Variants in DROSHA observed in about 807,000 individuals in gnomAD.
DROSHA encodes the protein ribonuclease 3.
Under a neutral mutation model 181.9 loss-of-function variants are expected in DROSHA, and 56 were observed. That is an observed-to-expected ratio of 0.31 (90% confidence interval 0.25 to 0.38). The LOEUF (loss-of-function observed/expected upper bound fraction) is 0.38, where lower values mean the gene tolerates loss of function less well. Ranked by LOEUF, DROSHA falls within the 10% of genes least tolerant of loss-of-function variation. The pLI, the probability that DROSHA is intolerant of heterozygous loss-of-function variation, is 1.00. For missense variants in DROSHA, 1,218 were observed against 1,743.5 expected, an observed-to-expected ratio of 0.70 and a Z score of 5.37; for synonymous variants, 524 against 591.2, an observed-to-expected ratio of 0.89 and a Z score of 1.65.
intron 31 of DROSHA, among the ~76,000 whole-genome samples, 189 bp downstream of exon 31, chr5:31,410,557 T>C (rs552668701): frequency 2.6e-5 from 4 of 152,308 alleles, no homozygotes; most frequent in African/African-American, 9.6e-5. Flanking sequence ...ACATAAAAAT[T>C]CATTATTCAC....
At chr5:31,471,983 G>T in intron 17 of DROSHA, 80 bp downstream of exon 17, 1 of 1,361,980 alleles carries the variant, frequency 7.3e-7, no homozygotes, top group Non-Finnish European at 9.7e-7. Context: ...TTTAAAATGT[G>T]CTGTTACTGT....
Position 31,409,047 on chromosome 5 carries a change from A to C in DROSHA, c.3854+9T>G. The C allele has an allele frequency of 1.2e-6, 2 of 1,611,804 alleles. No individual in the cohort carries two copies. The highest frequency in any genetic ancestry group is 1.7e-6 in the Non-Finnish European group (2 of 1,179,176). On this transcript the variant is annotated intron_variant, in intron 33 of 35. Transcript: ENST00000344624. This position sits in a 1 kb window ranked among gnomAD's most constrained non-coding sequence, Gnocchi z 4.0. ...TCCAACCAATGGCCTGCAGGCAACA[A>C]GTACTTACTTGTACAGAGGAATGTC...
chr5:31,526,127 T>C lies in DROSHA; in HGVS notation c.806A>G (p.Tyr269Cys), dbSNP rs1740521714. The C allele has an allele frequency of 6.2e-7, 1 of 1,611,416 alleles. No individual in the cohort carries two copies. Among genetic ancestry groups the C allele is most frequent in the East Asian group, 2.2e-5 (1 of 44,776 alleles). ...RRQDSRYRSDYDRGRTPSRHR... is the reference protein window; with the variant it reads ...RRQDSRYRSDCDRGRTPSRHR... ...GCGAGATGGTGTTCTCCCTCGGTCA[T>C]AATCAGATCTGTACCGGCTGTCTTG... The change falls in exon 5 of 36, where the codon TAT becomes TGT. Residue 269 changes from tyrosine (Y) to cysteine (C), a missense_variant. This residue lies in a region of DROSHA where 536 missense variants were observed against 535.4 expected (regional missense o/e 1.00). Coordinates refer to ENST00000344624, the MANE Select transcript of DROSHA (RefSeq NM_001382508.1).
intron 30 of DROSHA, among the ~76,000 whole-genome samples, chr5:31,417,134 A>G (rs996217421): frequency 6.6e-6 from 1 of 152,194 alleles, no homozygotes; most frequent in Non-Finnish European, 1.5e-5. Flanking sequence ...GGAAGGCCTT[A>G]TTGATAAGAT....
intron 30 of DROSHA, among the ~76,000 whole-genome samples, chr5:31,415,377 C>T (rs1295895610): frequency 6.6e-6 from 1 of 152,146 alleles, no homozygotes; most frequent in East Asian, 1.9e-4. Flanking sequence ...CCTGTGATAA[C>T]TAAAGAAAAG....
intron 13 of DROSHA, among the ~76,000 whole-genome samples, chr5:31,491,624 TG>T (rs1296075862): frequency 1.3e-5 from 2 of 150,172 alleles, no homozygotes; most frequent in Admixed American, 1.3e-4. Flanking sequence ...CAGTAGATGG[TG>T]GGGGGTGGAG....
At chr5:31,441,238 T>C (rs1464815118) in intron 23 of DROSHA, among the ~76,000 whole-genome samples, 2 of 152,004 alleles carry the variant, frequency 1.3e-5, no homozygotes, top group African/African-American at 4.8e-5. Context: ...AGTAAGACCT[T>C]GTCTGTACAA....
intron 21 of DROSHA, among the ~76,000 whole-genome samples, chr5:31,450,636 CA>C (rs1746867939): frequency 6.6e-6 from 1 of 152,014 alleles, no homozygotes; most frequent in Admixed American, 6.5e-5. Flanking sequence ...TATGGGTACC[CA>C]GGGGCATACA....
intron 6 of DROSHA, among the ~76,000 whole-genome samples, chr5:31,520,566 T>C (rs1242522981): frequency 6.6e-6 from 1 of 152,200 alleles, no homozygotes; most frequent in African/African-American, 2.4e-5. Context: ...ACTGTCCTTA[T>C]TTTACAAACG....
At chr5:31,427,578 G>A (rs888781904) in intron 27 of DROSHA, among the ~76,000 whole-genome samples, 2 of 152,138 alleles carry the variant, frequency 1.3e-5, no homozygotes, top group South Asian at 4.1e-4. Context: ...TCGCCAAGCT[G>A]CCCTTGCCTT....
Position 31,520,026 on chromosome 5 carries a change from C to CT in DROSHA, c.947+1096dup, listed in dbSNP as rs1364518744. 2.6e-5 allele frequency among the ~76,000 whole-genome samples: 4 copies of CT among 152,086 alleles called. No homozygotes were observed. In the East Asian group the frequency reaches 7.7e-4, roughly 29 times the overall value. On this transcript the variant is annotated intron_variant, in intron 6 of 35. Coordinates refer to ENST00000344624, the MANE Select transcript of DROSHA (RefSeq NM_001382508.1). Reference sequence around the variant, plus strand: ...TTTTGCCATCTGGTTTTTCCTGCTACTACAGAATGAGCTGAGCTTTCCTTC... The same window carrying CT: ...TTTTGCCATCTGGTTTTTCCTGCTACTTACAGAATGAGCTGAGCTTTCCTTC...
intron 17 of DROSHA, among the ~76,000 whole-genome samples, chr5:31,468,824 C>T (rs1036906930): frequency 2.0e-5 from 3 of 152,140 alleles, no homozygotes; most frequent in African/African-American, 4.8e-5. Flanking sequence ...GTAGAGTCTG[C>T]GGCTCAGTTG....
chr5:31,468,567 T>TTTA (rs1219170848), intron 17 of DROSHA, among the ~76,000 whole-genome samples: 1 of 152,212 alleles, frequency 6.6e-6, no homozygotes. Context: ...TTAAGCTTCT[T>TTTA]TTATTATGTC....
intron 28 of DROSHA, chr5:31,423,194 C>T (rs1048162217): frequency 1.5e-5 from 4 of 275,186 alleles, no homozygotes; most frequent in African/African-American, 2.3e-5. Context: ...ACAGATAGTT[C>T]AAAATCCCAA....
At chr5:31,513,776 C>T (rs948017447) in intron 8 of DROSHA, among the ~76,000 whole-genome samples, 1 of 152,080 alleles carries the variant, frequency 6.6e-6, no homozygotes, top group South Asian at 2.1e-4. Context: ...TTTTCATGCC[C>T]GAAATCTGCA....
intron 13 of DROSHA, among the ~76,000 whole-genome samples, chr5:31,490,248 A>G (rs1752253839): frequency 6.6e-6 from 1 of 150,852 alleles, no homozygotes; most frequent in South Asian, 2.1e-4. Context: ...CAGTGGGGCA[A>G]TCAGCTCACT....
intron 11 of DROSHA, among the ~76,000 whole-genome samples, chr5:31,495,690 G>C (rs1045220254): frequency 6.6e-6 from 1 of 152,208 alleles, no homozygotes; most frequent in African/African-American, 2.4e-5. Flanking sequence ...GAGGGTACCA[G>C]AGGGACACCC....
At chr5:31,448,861 A>G (rs2150013783) in intron 22 of DROSHA, among the ~76,000 whole-genome samples, 1 of 152,346 alleles carries the variant, frequency 6.6e-6, no homozygotes, top group African/African-American at 2.4e-5. Context: ...GGCCAGGCAC[A>G]GTGGCTCAGG....
At position 31,483,667 on chromosome 5, in the gene DROSHA, A is replaced by G. The variant is rs747556229; in HGVS notation, c.1997-39T>C. On this transcript the variant is annotated intron_variant, in intron 15 of 35. Transcript: ENST00000344624. The stretch of plus-strand genomic sequence containing the variant: ...ATGAGAAAAAAAAAAAAAAAAGAAA[A>G]CTCAGTCTTAAAAAACAAGCACTGC... 4 of 1,530,192 alleles carry G rather than the reference A, an allele frequency of 2.6e-6. No individual in the cohort carries two copies. In the African/African-American group the frequency reaches 5.7e-5, roughly 22 times the overall value. The allele number at this position is 1,530,192 out of a possible 1,614,324, so 94.8% of individuals were successfully genotyped here.
Sources: allele counts gnomAD v4.1 joint callset (sites outside exome capture counted in the v4.1 genomes callset), GRCh38; gene constraint gnomAD v4.1.1; regional missense constraint gnomAD v4.1.1; non-coding constraint Gnocchi (gnomAD v3.1); transcripts MANE v1.5; gene names NCBI Gene and HGNC (gene_info 2026-07-23, HGNC 2026-07-21).